The following ADAMTS2 variants were observed in gnomAD, a reference collection of about 807,000 sequenced individuals.
The protein encoded by ADAMTS2 is A disintegrin and metalloproteinase with thrombospondin motifs 2.
A neutral mutation model predicts 123.0 loss-of-function variants in ADAMTS2; 50 were observed. The ratio of observed to expected loss-of-function variants is 0.41; its 90% confidence interval spans 0.32 to 0.51. ADAMTS2 has a LOEUF of 0.51. Ranked by LOEUF, ADAMTS2 falls within the 20% of genes least tolerant of loss-of-function variation. The pLI, the probability that ADAMTS2 is intolerant of heterozygous loss-of-function variation, is 0.35. For missense variants in ADAMTS2, 1,494 were observed against 1,705.2 expected, an observed-to-expected ratio of 0.88 and a Z score of 2.18; for synonymous variants, 678 against 695.4, an observed-to-expected ratio of 0.98 and a Z score of 0.39.
At position 179,314,942 on chromosome 5, in the gene ADAMTS2, T is replaced by C. The variant is rs1756943438; in HGVS notation, c.534+28825A>G. ...ACTCTCTTTCCTGACATTAAGCGAC[T>C]CCCCTCCCAGAGCCTAATCACAGCC... is the stretch of plus-strand genomic sequence containing the variant. On this transcript the variant is annotated intron_variant, in intron 2 of 21. Transcript: ENST00000251582. This position sits in a 1 kb window ranked among gnomAD's most constrained non-coding sequence, Gnocchi z 4.5. 6.6e-6 allele frequency among the ~76,000 whole-genome samples: 1 copy of C among 151,786 alleles called. No individual in the cohort carries two copies. Among genetic ancestry groups the C allele is most frequent in the South Asian group, 2.1e-4 (1 of 4,790 alleles).
In ADAMTS2 at chr5:179,225,597, C is replaced by T. The variant is rs995843373; in HGVS notation, c.689-17882G>A. Among the ~76,000 whole-genome samples, 1 of 152,172 alleles carries T rather than the reference C, an allele frequency of 6.6e-6. No individual in the cohort carries two copies. The highest frequency in any genetic ancestry group is 2.4e-5 in the African/African-American group (1 of 41,444). ...GGGGAGGAACACACAGGCGGCTGGACGTCGAGAGGAACGCACCAACGAGCA... is the reference window on the plus strand; with the variant it reads ...GGGGAGGAACACACAGGCGGCTGGATGTCGAGAGGAACGCACCAACGAGCA... On this transcript the variant is annotated intron_variant, in intron 3 of 21. Coordinates refer to ENST00000251582, the MANE Select transcript of ADAMTS2 (RefSeq NM_014244.5). This position sits in a 1 kb window ranked among gnomAD's most constrained non-coding sequence, Gnocchi z 4.5.
intron 2 of ADAMTS2, among the ~76,000 whole-genome samples, chr5:179,281,683 C>A (rs1025044202): frequency 6.6e-6 from 1 of 152,190 alleles, no homozygotes; most frequent in African/African-American, 2.4e-5. Context: ...CATGTGTTTT[C>A]ATTCCTCTCA....
intron 3 of ADAMTS2, among the ~76,000 whole-genome samples, chr5:179,223,560 A>ACACGAATGCACT (rs1561814349): frequency 4.0e-5 from 2 of 49,866 alleles, no homozygotes; most frequent in South Asian, 6.0e-4. Flanking sequence ...GCACTCACAC[A>ACACGAATGCACT]CACGCGAATG....
intron 3 of ADAMTS2, among the ~76,000 whole-genome samples, chr5:179,258,981 C>A (rs1043500901): frequency 6.6e-6 from 1 of 152,182 alleles, no homozygotes; most frequent in Non-Finnish European, 1.5e-5. Flanking sequence ...TGATCCAGGC[C>A]GCAGTCTCTC....
intron 4 of ADAMTS2, among the ~76,000 whole-genome samples, chr5:179,186,110 G>A (rs1764164682): frequency 6.6e-6 from 1 of 152,130 alleles, no homozygotes; most frequent in South Asian, 2.1e-4. Flanking sequence ...GCCGTGGTGG[G>A]GCTTGCGATG....
At position 179,181,573 on chromosome 5, in the gene ADAMTS2, G is replaced by T. The variant is rs1405695821; in HGVS notation, c.892-418C>A. Reference sequence around the variant, plus strand: ...CTGGCAGAAGTCACTCCAAGCTATAGCTGGTGGGTGTGGGGATTACCTACC... The same window carrying T: ...CTGGCAGAAGTCACTCCAAGCTATATCTGGTGGGTGTGGGGATTACCTACC... On this transcript the variant is annotated intron_variant, in intron 4 of 21. Coordinates refer to ENST00000251582, the MANE Select transcript of ADAMTS2 (RefSeq NM_014244.5). This position sits in a 1 kb window ranked among gnomAD's most constrained non-coding sequence, Gnocchi z 4.1. Among the ~76,000 whole-genome samples, 1 of 152,180 alleles carries T rather than the reference G, an allele frequency of 6.6e-6. No homozygotes were observed. The highest frequency in any genetic ancestry group is 2.4e-5 in the African/African-American group (1 of 41,442).
At position 179,303,536 on chromosome 5, in the gene ADAMTS2, C is replaced by A. The variant is rs964289608; in HGVS notation, c.535-30472G>T. 6.6e-6 allele frequency among the ~76,000 whole-genome samples: 1 copy of A among 152,260 alleles called. No individual in the cohort carries two copies. Among genetic ancestry groups the A allele is most frequent in the Non-Finnish European group, 1.5e-5 (1 of 68,044 alleles). On this transcript the variant is annotated intron_variant, in intron 2 of 21. Transcript: ENST00000251582. The surrounding 1 kb of genome is among the most constrained non-coding windows in gnomAD (Gnocchi z 4.7). ...GCAGGTCAAACTCCAGAAGCGGGCA[C>A]TGGGTACAGACAGACAGAGCTCGAG...
chr5:179,253,081 G>A lies in ADAMTS2; in HGVS notation c.688+19830C>T, dbSNP rs1365744105. 2.0e-5 allele frequency among the ~76,000 whole-genome samples: 3 copies of A among 152,158 alleles called. No individual in the cohort carries two copies. In the South Asian group the frequency reaches 6.2e-4, roughly 32 times the overall value. ...ACAGCAATGTCGGCTTGCCTTTGGC[G>A]GCCTGATAGGTCTGTTTCCATACTT... On this transcript the variant is annotated intron_variant, in intron 3 of 21. Transcript: ENST00000251582.
chr5:179,201,223 C>G (rs952096193), intron 4 of ADAMTS2, among the ~76,000 whole-genome samples: 5 of 152,200 alleles, frequency 3.3e-5, no homozygotes, highest in African/African-American at 1.2e-4. Context: ...TGGCCAGAGA[C>G]TTCGCTTTCA....
At position 179,175,197 on chromosome 5, in the gene ADAMTS2, G is replaced by C. The variant is rs111680312; in HGVS notation, c.975+5875C>G. On this transcript the variant is annotated intron_variant, in intron 5 of 21. Transcript: ENST00000251582. The surrounding 1 kb of genome is among the most constrained non-coding windows in gnomAD (Gnocchi z 4.1). ...TCAGCCATTCTTGACCGTCCATGTT[G>C]CTTTGGAGGAAGTCTCTTCCTTGCT... Among the ~76,000 whole-genome samples the C allele has an allele frequency of 6.7e-4, 73 of 108,306 alleles. No individual in the cohort carries two copies. Among genetic ancestry groups the C allele is most frequent in the African/African-American group, 8.1e-4 (22 of 27,188 alleles). The allele number at this position is 108,306 out of a possible 152,430, so 71.1% of individuals were successfully genotyped here. A position where few individuals can be genotyped will look rare whatever the true frequency, so the allele number is the denominator to read the frequency against.
At position 179,272,005 on chromosome 5, in the gene ADAMTS2, C is replaced by A. The variant is rs991132184; in HGVS notation, c.688+906G>T. Among the ~76,000 whole-genome samples, 1 of 152,190 alleles carries A rather than the reference C, an allele frequency of 6.6e-6. No individual in the cohort carries two copies. The highest frequency in any genetic ancestry group is 1.9e-4 in the East Asian group (1 of 5,186). ...CTCCAGACTCTCCTCACCCAGGGGT[C>A]CTGACCAGAGGCTGAGGGCTGAGCT... is the stretch of plus-strand genomic sequence containing the variant. On this transcript the variant is annotated intron_variant, in intron 3 of 21. Coordinates refer to ENST00000251582, the MANE Select transcript of ADAMTS2 (RefSeq NM_014244.5). The surrounding 1 kb of genome is among the most constrained non-coding windows in gnomAD (Gnocchi z 5.8).
intron 2 of ADAMTS2, among the ~76,000 whole-genome samples, chr5:179,323,850 C>T (rs1028161357): frequency 1.3e-5 from 2 of 152,246 alleles, no homozygotes; most frequent in South Asian, 2.1e-4. Context: ...CATGAATGTT[C>T]CTGGCAGCAT....
At chr5:179,223,520 T>C (rs1352588867) in intron 3 of ADAMTS2, among the ~76,000 whole-genome samples, 1 of 138,824 alleles carries the variant, frequency 7.2e-6, no homozygotes, top group African/African-American at 2.7e-5. Context: ...ACGAATGCAC[T>C]CACACACATG....
At position 179,189,150 on chromosome 5, in the gene ADAMTS2, G is replaced by A. The variant is rs1045039653; in HGVS notation, c.892-7995C>T. On this transcript the variant is annotated intron_variant, in intron 4 of 21. Transcript: ENST00000251582. This position sits in a 1 kb window ranked among gnomAD's most constrained non-coding sequence, Gnocchi z 4.2. ...AGATAATAATAGTCCCTGTGTCTCA[G>A]GGTTGTTTCAGGTTGAAGCAACAAT... Among the ~76,000 whole-genome samples the A allele has an allele frequency of 1.3e-5, 2 of 152,048 alleles. No individual in the cohort carries two copies. Among genetic ancestry groups the A allele is most frequent in the South Asian group, 2.1e-4 (1 of 4,822 alleles).
chr5:179,230,633 A>G (rs1020590281), intron 3 of ADAMTS2, among the ~76,000 whole-genome samples: 1 of 152,218 alleles, frequency 6.6e-6, no homozygotes, highest in Admixed American at 6.5e-5. Context: ...GTCTGCGTCT[A>G]TACAGACTTC....
At position 179,314,790 on chromosome 5, in the gene ADAMTS2, T is replaced by C. The variant is rs560860779; in HGVS notation, c.534+28977A>G. 2.3e-3 allele frequency among the ~76,000 whole-genome samples: 356 copies of C among 152,090 alleles called. 1 individual carries two copies. Among genetic ancestry groups the C allele is most frequent in the Non-Finnish European group, 3.8e-3 (260 of 67,958 alleles). On this transcript the variant is annotated intron_variant, in intron 2 of 21. Coordinates refer to ENST00000251582, the MANE Select transcript of ADAMTS2 (RefSeq NM_014244.5). The surrounding 1 kb of genome is among the most constrained non-coding windows in gnomAD (Gnocchi z 4.5). ...CCCCCAACCTCTACTCCAGCAGACC[T>C]CCACCTACAGACAGGAGTCTTGGGC...
At chr5:179,123,954 C>T (rs947649991) in intron 19 of ADAMTS2, among the ~76,000 whole-genome samples, 9 of 152,230 alleles carry the variant, frequency 5.9e-5, no homozygotes, top group African/African-American at 2.2e-4. Context: ...GACGCCCAGG[C>T]TCTGGTGGGC....
At position 179,185,422 on chromosome 5, in the gene ADAMTS2, G is replaced by A. The variant is rs1010861163; in HGVS notation, c.892-4267C>T. Among the ~76,000 whole-genome samples, 7 of 152,238 alleles carry A rather than the reference G, an allele frequency of 4.6e-5. No homozygotes were observed. The highest frequency in any genetic ancestry group is 2.1e-4 in the South Asian group (1 of 4,826). ...GGCATTCCGGCAGCTCCCACAGGGC[G>A]GAGGGAGGAGATGCGGGGCTGGCCC... On this transcript the variant is annotated intron_variant, in intron 4 of 21. Transcript: ENST00000251582. This position sits in a 1 kb window ranked among gnomAD's most constrained non-coding sequence, Gnocchi z 5.9.
intron 9 of ADAMTS2, 119 bp from the exon 10 acceptor site, chr5:179,152,374 C>T: frequency 6.3e-6 from 6 of 945,886 alleles, no homozygotes; most frequent in Admixed American, 2.0e-5. Context: ...CATGATGGGC[C>T]CGTGAGGCTG....
Sources: allele counts gnomAD v4.1 joint callset (sites outside exome capture counted in the v4.1 genomes callset), GRCh38; gene constraint gnomAD v4.1.1; non-coding constraint Gnocchi (gnomAD v3.1); transcripts MANE v1.5; gene names NCBI Gene and HGNC (gene_info 2026-07-23, HGNC 2026-07-21).